HRH1: variants seen among roughly 807,000 people sequenced by gnomAD.
HRH1 encodes histamine H1 receptor.
In HRH1, 6 loss-of-function variants were observed where a neutral mutation model predicts 10.3. The observed-to-expected ratio is 0.58, with a 90% confidence interval of 0.32 to 1.15. HRH1 has a LOEUF of 1.15. Ranked by LOEUF, HRH1 falls within the 50% of genes most tolerant of loss-of-function variation. The pLI is 0.05. For synonymous variants in HRH1, 242 were observed against 236.7 expected, an observed-to-expected ratio of 1.02 and a Z score of -0.21; for missense variants, 514 against 615.3, an observed-to-expected ratio of 0.84 and a Z score of 1.74.
At chr3:11,257,329 G>T (rs186682162) in intron 1 of HRH1, among the ~76,000 whole-genome samples, 1 of 151,574 alleles carries the variant, frequency 6.6e-6, no homozygotes, top group Non-Finnish European at 1.5e-5. Flanking sequence ...TCCAGCGTGG[G>T]TGGATCACCT....
At chr3:11,243,936 G>A (rs764888946) in intron 1 of HRH1, among the ~76,000 whole-genome samples, 20 of 152,014 alleles carry the variant, frequency 1.3e-4, no homozygotes, top group South Asian at 2.1e-4. Context: ...GTATTTCTTC[G>A]CATGCTAATT....
intron 1 of HRH1, among the ~76,000 whole-genome samples, chr3:11,180,993 A>ACACACC: frequency 6.8e-6 from 1 of 147,146 alleles, no homozygotes; most frequent in African/African-American, 2.6e-5. Flanking sequence ...ACACACACAC[A>ACACACC]CACACACGGC....
At chr3:11,254,271 G>T (rs1355087876) in intron 1 of HRH1, among the ~76,000 whole-genome samples, 1 of 152,120 alleles carries the variant, frequency 6.6e-6, no homozygotes, top group Admixed American at 6.5e-5. Flanking sequence ...TTCAGCTTTT[G>T]CTTTATCCTT....
chr3:11,157,611 G>T (rs145395307), intron 1 of HRH1, among the ~76,000 whole-genome samples: 2 of 152,238 alleles, frequency 1.3e-5, no homozygotes, highest in African/African-American at 4.8e-5. Context: ...GATGCTGTCG[G>T]AGGGGGGGCC....
At chr3:11,241,038 T>C (rs346085) in intron 1 of HRH1, among the ~76,000 whole-genome samples, 83,319 of 152,036 alleles carry the variant, frequency 0.55, 24,160 homozygotes, top group East Asian at 0.7. Context: ...AAAACATTTC[T>C]TTATTTTTAT....
At chr3:11,159,656 G>T (rs147877763) in intron 1 of HRH1, among the ~76,000 whole-genome samples, 1 of 152,088 alleles carries the variant, frequency 6.6e-6, no homozygotes, top group African/African-American at 2.4e-5. Flanking sequence ...CAGTGATTTC[G>T]TTTCTCATGC....
chr3:11,159,739 G>T (rs575636060), intron 1 of HRH1, among the ~76,000 whole-genome samples: 33 of 152,326 alleles, frequency 2.2e-4, no homozygotes, highest in African/African-American at 7.7e-4. Flanking sequence ...CCACTTTTCT[G>T]TTCTCTGGAA....
rs78989733 is a variant in HRH1, at chr3:11,206,823, A to G, written c.-35-52180A>G. On this transcript the variant is annotated intron_variant, in intron 1 of 1. Transcript: ENST00000431010. The stretch of plus-strand genomic sequence containing the variant: ...GTGGAGCAAAGGAGATGCAGAGACC[A>G]CCGTCTGCACCCTCGAAGGGCACAA... Among the ~76,000 whole-genome samples, 511 of 152,282 alleles carry G rather than the reference A, an allele frequency of 3.4e-3. 1 individual carries two copies. The highest frequency in any genetic ancestry group is 0.012 in the African/African-American group (487 of 41,564).
chr3:11,223,498 CA>C (rs11323742), intron 1 of HRH1, among the ~76,000 whole-genome samples: 128,412 of 149,980 alleles, frequency 0.86, 55,269 homozygotes, highest in East Asian at 1. Flanking sequence ...GACTCCATCT[CA>C]AAAAAAAAAA....
upstream of HRH1, among the ~76,000 whole-genome samples, chr3:11,152,300 T>C (rs564779584): frequency 1.3e-5 from 2 of 152,282 alleles, no homozygotes; most frequent in Non-Finnish European, 2.9e-5. Context: ...TGTTAGTAAG[T>C]TGATTGTGCC....
chr3:11,230,946 G>A (rs764261452), intron 1 of HRH1, among the ~76,000 whole-genome samples: 1 of 152,172 alleles, frequency 6.6e-6, no homozygotes, highest in Non-Finnish European at 1.5e-5. Context: ...AAAGACAGTC[G>A]AGTACAGAAG....
At chr3:11,165,290 C>T (rs2075104491) in intron 1 of HRH1, among the ~76,000 whole-genome samples, 1 of 152,214 alleles carries the variant, frequency 6.6e-6, no homozygotes, top group South Asian at 2.1e-4. Flanking sequence ...CGCTTGGTAT[C>T]TCACATTGCA....
chr3:11,157,457 C>T lies in HRH1; in HGVS notation c.-36+2903C>T, dbSNP rs774605299. ...ATTCAAGCCCCAGTCACCTGCTGCCCTCCCTTTCACAGTGACGCTGAGCAT... is the reference window on the plus strand; with the variant it reads ...ATTCAAGCCCCAGTCACCTGCTGCCTTCCCTTTCACAGTGACGCTGAGCAT... On this transcript the variant is annotated intron_variant, in intron 1 of 1. Coordinates refer to ENST00000431010, the MANE Select transcript of HRH1 (RefSeq NM_001098212.2). Among the ~76,000 whole-genome samples the T allele has an allele frequency of 5.1e-4, 77 of 152,304 alleles. 1 individual carries two copies. Among genetic ancestry groups the T allele is most frequent in the Middle Eastern group, 6.8e-3 (2 of 294 alleles).
intron 1 of HRH1, among the ~76,000 whole-genome samples, chr3:11,205,124 G>C (rs181412799): frequency 6.6e-6 from 1 of 152,362 alleles, no homozygotes; most frequent in African/African-American, 2.4e-5. Context: ...CAGCGCGGCT[G>C]TTCTTGGTAG....
intron 1 of HRH1, among the ~76,000 whole-genome samples, chr3:11,209,507 G>A (rs1938251973): frequency 6.6e-6 from 1 of 152,208 alleles, no homozygotes; most frequent in Admixed American, 6.5e-5. Flanking sequence ...GGAATTAAAT[G>A]TATCGGTGGT....
At chr3:11,241,752 C>T (rs1048324588) in intron 1 of HRH1, among the ~76,000 whole-genome samples, 1 of 151,722 alleles carries the variant, frequency 6.6e-6, no homozygotes, top group Non-Finnish European at 1.5e-5. Context: ...AGGAGAATGG[C>T]GCAAACCTGG....
rs1255532953 is a variant in HRH1, at chr3:11,260,468, G to C, written c.1431G>C (p.Lys477Asn). 3.1e-6 allele frequency: 5 copies of C among 1,609,470 alleles called. No individual in the cohort carries two copies. Among genetic ancestry groups the C allele is most frequent in the Non-Finnish European group, 3.4e-6 (4 of 1,177,348 alleles). Residue 477 changes from lysine to asparagine, a missense_variant, in exon 2 of 2, where the codon AAG (lysine) becomes AAC (asparagine). Transcript: ENST00000431010. ...CCTTGTGCAATGAGAACTTCAAGAA[G>C]ACATTCAAGAGAATTCTGCATATTC... The part of the protein sequence containing the change: ...IYPLCNENFK[K>N]TFKRILHIRS
At chr3:11,161,311 C>A (rs1243978871) in intron 1 of HRH1, among the ~76,000 whole-genome samples, 1 of 152,238 alleles carries the variant, frequency 6.6e-6, no homozygotes, top group Non-Finnish European at 1.5e-5. Context: ...CTTTTCCAGG[C>A]AATTTTCACT....
At chr3:11,219,492 G>T (rs1396375369) in intron 1 of HRH1, among the ~76,000 whole-genome samples, 2 of 151,716 alleles carry the variant, frequency 1.3e-5, no homozygotes, top group Non-Finnish European at 2.9e-5. Flanking sequence ...GGCGGGCGGA[G>T]CACGAGGTCA....
Sources: gnomAD v4.1 joint callset for allele counts (sites outside exome capture counted in the v4.1 genomes callset) on GRCh38, gnomAD v4.1.1 for gene constraint, MANE v1.5 for transcripts, NCBI Gene and HGNC (gene_info 2026-07-23, HGNC 2026-07-21) for gene names.